Variants in KCNH8 observed in about 807,000 individuals in gnomAD.
KCNH8 encodes voltage-gated delayed rectifier potassium channel KCNH8.
In KCNH8, 70 loss-of-function variants were observed where a neutral mutation model predicts 103.6. The observed-to-expected ratio is 0.68, with a 90% CI of 0.56 to 0.82. KCNH8 has a LOEUF of 0.82. Ranked by LOEUF, KCNH8 falls within the 40% of genes least tolerant of loss-of-function variation. The pLI is 0.00. For synonymous variants in KCNH8, 498 were observed against 489.4 expected, an observed-to-expected ratio of 1.02 and a Z score of -0.23; for missense variants, 1,217 against 1,329.9, an observed-to-expected ratio of 0.92 and a Z score of 1.32.
At chr3:19,224,995 C>G (rs570983196) in intron 1 of KCNH8, among the ~76,000 whole-genome samples, 2 of 151,800 alleles carry the variant, frequency 1.3e-5, no homozygotes, top group Admixed American at 1.3e-4. Flanking sequence ...CAGAGGCAAC[C>G]GTGATGAAGA....
intron 15 of KCNH8, among the ~76,000 whole-genome samples, chr3:19,526,147 G>C (rs1242929363): frequency 6.6e-6 from 1 of 151,814 alleles, no homozygotes; most frequent in Non-Finnish European, 1.5e-5. Flanking sequence ...GGGGAGGATT[G>C]GTATAATTAG....
intron 7 of KCNH8, among the ~76,000 whole-genome samples, chr3:19,397,594 T>A (rs897298661): frequency 2.0e-5 from 3 of 151,298 alleles, no homozygotes; most frequent in Non-Finnish European, 4.4e-5. Flanking sequence ...TATGGGTCAG[T>A]GTCCACATAA....
At chr3:19,516,051 CT>C (rs2068869096) in intron 14 of KCNH8, among the ~76,000 whole-genome samples, 1 of 151,952 alleles carries the variant, frequency 6.6e-6, no homozygotes. Flanking sequence ...CAAATAAACT[CT>C]AAAGAAGACA....
chr3:19,469,241 CCAA>C (rs1385784805), intron 11 of KCNH8, among the ~76,000 whole-genome samples: 1 of 152,080 alleles, frequency 6.6e-6, no homozygotes, highest in African/African-American at 2.4e-5. Flanking sequence ...TATCTCAGGC[CCAA>C]CAAGTGTTTT....
intron 10 of KCNH8, 130 bp from the exon 11 acceptor site, chr3:19,456,638 C>A: frequency 1.6e-6 from 1 of 637,706 alleles, no homozygotes; most frequent in Non-Finnish European, 2.8e-6. Flanking sequence ...TTGAAAAGCC[C>A]TGCCCCAAGG....
intron 1 of KCNH8, among the ~76,000 whole-genome samples, chr3:19,226,820 A>G (rs2063937483): frequency 1.3e-5 from 2 of 152,304 alleles, no homozygotes; most frequent in African/African-American, 4.8e-5. Flanking sequence ...AGCAGGACAT[A>G]TCTTAAAATG....
rs1170532424 is a variant in KCNH8, at chr3:19,466,337, G to A, written c.2040+9355G>A. Among the ~76,000 whole-genome samples the A allele has an allele frequency of 1.3e-5, 2 of 152,132 alleles. 1 individual carries two copies. The highest frequency in any genetic ancestry group is 1.3e-4 in the Admixed American group (2 of 15,270). Reference sequence around the variant, plus strand: ...CAACAAAGGATTTAGAATATTACATGAACTTAGTTTATAAAGCAGTGGCAG... The same window carrying A: ...CAACAAAGGATTTAGAATATTACATAAACTTAGTTTATAAAGCAGTGGCAG... On this transcript the variant is annotated intron_variant, in intron 11 of 15. Transcript: ENST00000328405.
intron 11 of KCNH8, among the ~76,000 whole-genome samples, chr3:19,501,941 G>A (rs1284714630): frequency 1.3e-5 from 2 of 152,126 alleles, no homozygotes; most frequent in Non-Finnish European, 1.5e-5. Context: ...TTAGGAGAAG[G>A]AAATAAAGGG....
intron 9 of KCNH8, 45 bp from the exon 10 acceptor site, chr3:19,451,096 GTAAATCAGTTAGAC>G: frequency 6.4e-7 from 1 of 1,566,412 alleles, no homozygotes; most frequent in Non-Finnish European, 8.8e-7. Flanking sequence ...GTCTTGCAAA[GTAAATCAGTTAGAC>G]TACACTTACC....
intron 5 of KCNH8, among the ~76,000 whole-genome samples, chr3:19,352,164 A>T (rs2065812204): frequency 6.6e-6 from 1 of 152,222 alleles, no homozygotes; most frequent in Admixed American, 6.5e-5. Context: ...AAAGGGATCA[A>T]TTCAACAAGA....
At chr3:19,504,098 T>A (rs577900442) in intron 11 of KCNH8, among the ~76,000 whole-genome samples, 76 of 152,076 alleles carry the variant, frequency 5.0e-4, no homozygotes, top group Non-Finnish European at 9.4e-4. Context: ...GGGAAAGGAC[T>A]CCTTATTCAA....
chr3:19,526,231 C>A (rs1038814048), intron 15 of KCNH8, among the ~76,000 whole-genome samples: 1 of 151,826 alleles, frequency 6.6e-6, no homozygotes, highest in Non-Finnish European at 1.5e-5. Flanking sequence ...AGGTCAAGAA[C>A]TCTTCAAGCT....
chr3:19,382,802 G>A (rs1427856550), intron 5 of KCNH8, among the ~76,000 whole-genome samples: 1 of 152,066 alleles, frequency 6.6e-6, no homozygotes, highest in Non-Finnish European at 1.5e-5. Flanking sequence ...GGATGGGCTA[G>A]GGTGTGCTAC....
chr3:19,323,160 G>A (rs1048337712), intron 3 of KCNH8, among the ~76,000 whole-genome samples: 1 of 151,924 alleles, frequency 6.6e-6, no homozygotes, highest in African/African-American at 2.4e-5. Flanking sequence ...CTTAATAATT[G>A]GCTTCTGGGC....
intron 11 of KCNH8, among the ~76,000 whole-genome samples, chr3:19,469,013 GA>G (rs1449999157): frequency 6.6e-6 from 1 of 152,134 alleles, no homozygotes; most frequent in African/African-American, 2.4e-5. Context: ...CAATTTTCTT[GA>G]AAATGATTTA....
At chr3:19,282,679 A>T (rs1221902238) in intron 3 of KCNH8, among the ~76,000 whole-genome samples, 1 of 152,222 alleles carries the variant, frequency 6.6e-6, no homozygotes, top group East Asian at 1.9e-4. Context: ...AAATTCCTTA[A>T]TTATCTTTGT....
At chr3:19,333,832 C>T (rs2065544854) in intron 3 of KCNH8, among the ~76,000 whole-genome samples, 1 of 152,148 alleles carries the variant, frequency 6.6e-6, no homozygotes, top group African/African-American at 2.4e-5. Flanking sequence ...CACCCTTCAT[C>T]AATTCTCTAC....
chr3:19,160,435 A>G (rs2063222508), intron 1 of KCNH8, among the ~76,000 whole-genome samples: 1 of 152,124 alleles, frequency 6.6e-6, no homozygotes, highest in Non-Finnish European at 1.5e-5. Flanking sequence ...TCATGTAACC[A>G]CCACCACAGT....
intron 15 of KCNH8, among the ~76,000 whole-genome samples, chr3:19,529,448 G>A (rs919872964): frequency 6.6e-6 from 1 of 152,064 alleles, no homozygotes; most frequent in Non-Finnish European, 1.5e-5. Context: ...CTTTGTTCAC[G>A]AAGTAGCCCC....
Sources: allele counts gnomAD v4.1 joint callset (sites outside exome capture counted in the v4.1 genomes callset), GRCh38; gene constraint gnomAD v4.1.1; transcripts MANE v1.5; gene names NCBI Gene and HGNC (gene_info 2026-07-23, HGNC 2026-07-21).